BCLAF3: variants seen among roughly 807,000 people sequenced by gnomAD.
The protein encoded by BCLAF3 is BCLAF1 and THRAP3 family member 3, also known as transient octamer binding factor 1.
A neutral mutation model predicts 51.2 loss-of-function variants in BCLAF3; 24 were observed. The observed-to-expected ratio is 0.47, with a 90% CI of 0.34 to 0.66. BCLAF3 has a LOEUF of 0.66. BCLAF3 is among the 30% of genes least tolerant of loss of function. The pLI is 0.01. For missense variants in BCLAF3, 465 were observed against 525.1 expected (o/e 0.89, Z 1.12); for synonymous variants, 152 against 176.6 (o/e 0.86, Z 1.10).
At chrX:19,928,362 C>T (rs1450698469) in intron 11 of BCLAF3, among the ~76,000 whole-genome samples, 2 of 109,472 alleles carry the variant, frequency 1.8e-5, no homozygotes, top group Non-Finnish European at 3.8e-5. Context: ...GAGGGTGGAT[C>T]ATCTGAGGTC....
intron 1 of BCLAF3, among the ~76,000 whole-genome samples, chrX:19,971,162 T>C (rs1268941058): frequency 8.9e-6 from 1 of 112,357 alleles, no homozygotes; most frequent in Non-Finnish European, 1.9e-5. Context: ...CGATCACAGT[T>C]CACTGCAGCC....
intron 1 of BCLAF3, among the ~76,000 whole-genome samples, chrX:19,980,444 AAC>A (rs1408596259): frequency 8.9e-6 from 1 of 112,131 alleles, no homozygotes; most frequent in Non-Finnish European, 1.9e-5. Context: ...CAACAAGAAA[AAC>A]AGTTTTCAAC....
chrX:19,940,394 A>T (rs2070973698), intron 8 of BCLAF3, among the ~76,000 whole-genome samples: 1 of 110,235 alleles, frequency 9.1e-6, no homozygotes, highest in South Asian at 3.8e-4. Context: ...ATCATCTAGC[A>T]TTAGGTATAT....
Position 19,940,143 on chromosome X carries a change from C to G in BCLAF3, c.1746-2611G>C, listed in dbSNP as rs144982817. ...AATCCTTTGATATTTGATTTTTGAC[C>G]AGGCAAATGAATGCTCAGATTAAAG... On this transcript the variant is annotated intron_variant, in intron 8 of 11. Coordinates refer to ENST00000379682, the MANE Select transcript of BCLAF3 (RefSeq NM_001367774.2). 6.2e-3 allele frequency among the ~76,000 whole-genome samples: 693 copies of G among 112,062 alleles called. 6 individuals are homozygous for G. Among genetic ancestry groups the G allele is most frequent in the African/African-American group, 0.022 (667 of 30,918 alleles).
chrX:19,919,285 T>G (rs993070603), intron 11 of BCLAF3, among the ~76,000 whole-genome samples: 7 of 112,384 alleles, frequency 6.2e-5, no homozygotes, highest in African/African-American at 2.3e-4. Flanking sequence ...ATTGATTTTC[T>G]CTTCCCTTTA....
rs746112652 is a variant in BCLAF3 at position 19,932,870 on chromosome X, CAAT to C, written c.1951-2933_1951-2931del. Among the ~76,000 whole-genome samples, 6 of 111,974 alleles carry C rather than the reference CAAT, an allele frequency of 5.4e-5. No individual in the cohort carries two copies. In the South Asian group the frequency reaches 1.8e-3, roughly 34 times the overall value. Reference sequence around the variant, plus strand: ...GATTTTCTCAACATGAAGAGCTAAACAATAATAACTCCTAAATAAACTATTATA... The same window carrying C: ...GATTTTCTCAACATGAAGAGCTAAACAATAACTCCTAAATAAACTATTATA... On this transcript the variant is annotated intron_variant, in intron 10 of 11. Transcript: ENST00000379682.
intron 10 of BCLAF3, among the ~76,000 whole-genome samples, chrX:19,932,815 A>G (rs2070618307): frequency 8.9e-6 from 1 of 111,807 alleles, no homozygotes. Context: ...TACAGGCGTG[A>G]GCCACCATGC....
At chrX:19,988,624 T>A (rs2072872575) in intron 1 of BCLAF3, among the ~76,000 whole-genome samples, 1 of 111,782 alleles carries the variant, frequency 8.9e-6, no homozygotes, top group Non-Finnish European at 1.9e-5. Context: ...AATAATAAAT[T>A]AAAAATAATT....
chrX:19,988,306 G>A (rs2072866318), intron 1 of BCLAF3, among the ~76,000 whole-genome samples: 2 of 112,277 alleles, frequency 1.8e-5, no homozygotes, highest in Admixed American at 1.9e-4. Flanking sequence ...TCATAACCCT[G>A]ATAAAGTTTT....
At position 19,930,010 on chromosome X, in the gene BCLAF3, T is replaced by C. The variant is rs756562312; in HGVS notation, c.1951-70A>G. ...CAAGTCTACTTTATTAGTAAACAGA[T>C]GAGTGGGTGGTTGGGTGCAGTAGCT... On this transcript the variant is annotated intron_variant, in intron 10 of 11. Coordinates refer to ENST00000379682, the MANE Select transcript of BCLAF3 (RefSeq NM_001367774.2). 915 of 1,078,848 alleles carry C rather than the reference T, an allele frequency of 8.5e-4. 1 individual carries two copies. Among genetic ancestry groups the C allele is most frequent in the Non-Finnish European group, 1.0e-3 (797 of 796,339 alleles). The allele number at this position is 1,078,848 out of a possible 1,213,427, so 88.9% of individuals were successfully genotyped here. A position where few individuals can be genotyped will look rare whatever the true frequency, so the allele number is the denominator to read the frequency against.
chrX:19,928,062 T>C (rs1351056583), intron 11 of BCLAF3, among the ~76,000 whole-genome samples: 1 of 103,406 alleles, frequency 9.7e-6, no homozygotes, highest in East Asian at 3.2e-4. Flanking sequence ...AAAAACTTTT[T>C]TGTAGAGGTG....
chrX:19,945,586 G>A (rs1385215599), intron 8 of BCLAF3, among the ~76,000 whole-genome samples: 1 of 78,666 alleles, frequency 1.3e-5, no homozygotes, highest in African/African-American at 1.4e-4. Flanking sequence ...TAGGCTGCTC[G>A]GGGGTCAGGG....
chrX:19,979,339 G>A, intron 1 of BCLAF3, among the ~76,000 whole-genome samples: 1 of 110,978 alleles, frequency 9.0e-6, no homozygotes, highest in East Asian at 2.8e-4. Context: ...TAAAACTAAG[G>A]CAAGACCCTT....
intron 8 of BCLAF3, among the ~76,000 whole-genome samples, chrX:19,938,552 C>G (rs369196381): frequency 8.9e-6 from 1 of 112,128 alleles, no homozygotes; most frequent in South Asian, 3.7e-4. Context: ...CACGCCATCA[C>G]ACCCCGCTAA....
chrX:19,924,042 C>T (rs1196143556), intron 11 of BCLAF3, among the ~76,000 whole-genome samples: 6 of 110,185 alleles, frequency 5.4e-5, no homozygotes, highest in East Asian at 2.8e-4. Flanking sequence ...TCAGGTGATC[C>T]GCCTGCCTCG....
At chrX:19,948,063 G>A (rs183444458) in intron 8 of BCLAF3, among the ~76,000 whole-genome samples, 1 of 112,335 alleles carries the variant, frequency 8.9e-6, no homozygotes, top group African/African-American at 3.2e-5. Context: ...AGTTGGCAAC[G>A]ATGTGGAGCA....
chrX:19,988,638 A>T (rs1444189229), intron 1 of BCLAF3, among the ~76,000 whole-genome samples: 3 of 112,209 alleles, frequency 2.7e-5, no homozygotes, highest in Non-Finnish European at 5.6e-5. Context: ...AATAATTTTT[A>T]AAAATACCAA....
At chrX:19,977,101 C>CA (rs1237616032) in intron 1 of BCLAF3, among the ~76,000 whole-genome samples, 1 of 111,591 alleles carries the variant, frequency 9.0e-6, no homozygotes, top group Non-Finnish European at 1.9e-5. Context: ...TCTGATGGGG[C>CA]ATTCTTCCTT....
intron 2 of BCLAF3, among the ~76,000 whole-genome samples, chrX:19,968,796 C>T (rs912523994): frequency 1.8e-5 from 2 of 112,835 alleles, no homozygotes; most frequent in African/African-American, 6.4e-5. Context: ...TGCCCCTCAT[C>T]AGCGCCTTTT....
Sources: allele counts gnomAD v4.1 joint callset (sites outside exome capture counted in the v4.1 genomes callset), GRCh38; gene constraint gnomAD v4.1.1; transcripts MANE v1.5; gene names NCBI Gene and HGNC (gene_info 2026-07-23, HGNC 2026-07-21).